Variants in HECTD2 observed in about 807,000 individuals in gnomAD.
HECTD2 encodes the protein probable E3 ubiquitin-protein ligase HECTD2.
Under a neutral mutation model 103.2 loss-of-function variants are expected in HECTD2, and 35 were observed. The observed-to-expected ratio is 0.34, with a 90% CI of 0.26 to 0.45. The LOEUF is 0.45. Among genes scored for constraint, HECTD2 ranks in the 20% least tolerant of loss-of-function variants. HECTD2 has a pLI of 1.00. For synonymous variants in HECTD2, 281 were observed against 329.9 expected (o/e 0.85, Z 1.61); for missense variants, 596 against 937.4 (o/e 0.64, Z 4.76).
chr10:91,418,176 A>G (rs12218668), intron 1 of HECTD2, among the ~76,000 whole-genome samples: 58,516 of 152,040 alleles, frequency 0.38, 13,419 homozygotes, highest in East Asian at 0.63. Context: ...TTTGTTCTAG[A>G]TGTTTTTGTT....
chr10:91,487,965 C>G lies in HECTD2; in HGVS notation c.1191+187C>G, dbSNP rs950974329. 17 of 407,586 alleles carry G rather than the reference C, an allele frequency of 4.2e-5. No homozygotes were observed. The highest frequency in any genetic ancestry group is 7.1e-5 in the Non-Finnish European group (16 of 226,644). The allele number at this position is 407,586 out of a possible 1,614,324, so 25.2% of individuals were successfully genotyped here. ...ATTTGGGAGACAAGATAACTCTCATCTCTTCTGATCAACTTCTCATTATAT... is the reference window on the plus strand; with the variant it reads ...ATTTGGGAGACAAGATAACTCTCATGTCTTCTGATCAACTTCTCATTATAT... On this transcript the variant is annotated intron_variant, in intron 11 of 20. Coordinates refer to ENST00000298068, the MANE Select transcript of HECTD2 (RefSeq NM_182765.6). The surrounding 1 kb of genome is among the most constrained non-coding windows in gnomAD (Gnocchi z 4.1).
rs1845335922 is a variant in HECTD2, at chr10:91,461,240, T to G, written c.408-14T>G. On this transcript the variant is annotated splice_polypyrimidine_tract_variant and intron_variant, in intron 3 of 20. Coordinates refer to ENST00000298068, the MANE Select transcript of HECTD2 (RefSeq NM_182765.6). ...TTTCTATATGTATATACGGTTAATG[T>G]GTTTTCATTTTAGGGAAGATGTAGA... 1 of 1,183,402 alleles carries G rather than the reference T, an allele frequency of 8.5e-7. No homozygotes were observed. The highest frequency in any genetic ancestry group is 1.2e-6 in the Non-Finnish European group (1 of 819,802). The allele number at this position is 1,183,402 out of a possible 1,614,324, so 73.3% of individuals were successfully genotyped here.
At chr10:91,501,861 T>C (rs1458030067) in intron 20 of HECTD2, among the ~76,000 whole-genome samples, 1 of 152,050 alleles carries the variant, frequency 6.6e-6, no homozygotes, top group South Asian at 2.1e-4. Context: ...TGTTAATGCA[T>C]TAATGCTTAT....
At chr10:91,462,353 T>C in intron 5 of HECTD2, 169 bp downstream of exon 5, 2 of 1,099,820 alleles carry the variant, frequency 1.8e-6, no homozygotes, top group Non-Finnish European at 2.4e-6. Context: ...TATTCTTTTA[T>C]TTTTTAATTA....
intron 2 of HECTD2, among the ~76,000 whole-genome samples, chr10:91,450,000 A>T (rs1844729638): frequency 6.6e-6 from 1 of 152,192 alleles, no homozygotes; most frequent in Non-Finnish European, 1.5e-5. Flanking sequence ...GCTACCACTG[A>T]CTTTCTTCAC....
intron 2 of HECTD2, among the ~76,000 whole-genome samples, chr10:91,426,995 C>T (rs1843591072): frequency 2.0e-5 from 2 of 98,112 alleles, no homozygotes; most frequent in South Asian, 4.6e-4. Flanking sequence ...TGCTATCCCT[C>T]CCCCCTCCCC....
intron 20 of HECTD2, among the ~76,000 whole-genome samples, chr10:91,506,682 T>C (rs1847193698): frequency 6.6e-6 from 1 of 151,776 alleles, no homozygotes; most frequent in Admixed American, 6.6e-5. Context: ...CACAGCCGAG[T>C]TCTACCAGAG....
intron 18 of HECTD2, among the ~76,000 whole-genome samples, chr10:91,499,534 T>G (rs374234589): frequency 6.6e-6 from 1 of 152,186 alleles, no homozygotes; most frequent in East Asian, 1.9e-4. Context: ...TATAGCTGCT[T>G]CCTGCTACCT....
intron 2 of HECTD2, among the ~76,000 whole-genome samples, chr10:91,434,263 T>C (rs1363852000): frequency 6.6e-6 from 1 of 151,960 alleles, no homozygotes; most frequent in Non-Finnish European, 1.5e-5. Flanking sequence ...TTATGACTAA[T>C]CCATTCTGGT....
chr10:91,474,184 T>A (rs1845827186), intron 5 of HECTD2, among the ~76,000 whole-genome samples: 1 of 152,090 alleles, frequency 6.6e-6, no homozygotes, highest in South Asian at 2.1e-4. Flanking sequence ...GCAAATAACT[T>A]TCTTAACTGG....
intron 1 of HECTD2, among the ~76,000 whole-genome samples, chr10:91,421,038 C>A (rs187582380): frequency 1.3e-5 from 2 of 152,150 alleles, no homozygotes; most frequent in Non-Finnish European, 2.9e-5. Context: ...ATTCTTCCCC[C>A]CCTCAGGCTT....
intron 20 of HECTD2, among the ~76,000 whole-genome samples, chr10:91,507,035 C>A (rs891648714): frequency 2.6e-5 from 4 of 152,174 alleles, no homozygotes; most frequent in African/African-American, 9.7e-5. Context: ...ACATGATTAT[C>A]TCAACAGATG....
rs562129530 is a variant in HECTD2, at chr10:91,443,512, G to A, written c.269-16915G>A. Among the ~76,000 whole-genome samples, 51 of 152,118 alleles carry A rather than the reference G, an allele frequency of 3.4e-4. No homozygotes were observed. The South Asian group carries it at 0.011, about 32-fold the overall frequency. ...CTGGAGCTCCCCTGTATGTGGTGTTGGTCAACCCCTGCTGGGAGGTATCTC... is the reference window on the plus strand; with the variant it reads ...CTGGAGCTCCCCTGTATGTGGTGTTAGTCAACCCCTGCTGGGAGGTATCTC... On this transcript the variant is annotated intron_variant, in intron 2 of 20. Transcript: ENST00000298068.
At chr10:91,476,906 C>T (rs1303590551) in intron 5 of HECTD2, among the ~76,000 whole-genome samples, 4 of 141,834 alleles carry the variant, frequency 2.8e-5, no homozygotes, top group East Asian at 4.4e-4. Context: ...CCGGGCCGGG[C>T]GCGGTGGCTC....
chr10:91,445,390 G>A (rs775503663), intron 2 of HECTD2, among the ~76,000 whole-genome samples: 1 of 152,114 alleles, frequency 6.6e-6, no homozygotes, highest in East Asian at 1.9e-4. Context: ...CTGGTTACAC[G>A]CTCTTGCAAA....
At position 91,487,546 on chromosome 10, in the gene HECTD2, C is replaced by T. The variant is rs939036387; in HGVS notation, c.1095-136C>T. On this transcript the variant is annotated intron_variant, in intron 10 of 20. Coordinates refer to ENST00000298068, the MANE Select transcript of HECTD2 (RefSeq NM_182765.6). This position sits in a 1 kb window ranked among gnomAD's most constrained non-coding sequence, Gnocchi z 4.1. ...AGAATTAAAAGAAATTATACACATA[C>T]AATCATTTTGTATATGGTAAAACAC... The T allele has an allele frequency of 4.1e-5, 29 of 712,276 alleles. No homozygotes were observed. The African/African-American group carries it at 4.2e-4, about 10-fold the overall frequency. The allele number at this position is 712,276 out of a possible 1,614,324, so 44.1% of individuals were successfully genotyped here.
intron 7 of HECTD2, among the ~76,000 whole-genome samples, chr10:91,481,363 CAAAT>C (rs1374924815): frequency 6.6e-6 from 1 of 151,678 alleles, no homozygotes; most frequent in East Asian, 1.9e-4. Flanking sequence ...AAAGCCATAA[CAAAT>C]AAATAATCAG....
At chr10:91,415,347 G>T (rs1273104907) in intron 1 of HECTD2, among the ~76,000 whole-genome samples, 2 of 152,070 alleles carry the variant, frequency 1.3e-5, no homozygotes, top group Non-Finnish European at 2.9e-5. Context: ...GAATGCTATG[G>T]TGATGATGTT....
intron 2 of HECTD2, among the ~76,000 whole-genome samples, chr10:91,430,501 T>C (rs966531807): frequency 2.0e-5 from 3 of 152,198 alleles, no homozygotes; most frequent in African/African-American, 7.2e-5. Flanking sequence ...CCATTATTAA[T>C]GTGTGGGAGT....
Sources: allele counts gnomAD v4.1 joint callset (sites outside exome capture counted in the v4.1 genomes callset), GRCh38; gene constraint gnomAD v4.1.1; non-coding constraint Gnocchi (gnomAD v3.1); transcripts MANE v1.5; gene names NCBI Gene and HGNC (gene_info 2026-07-23, HGNC 2026-07-21).